Variants in RIC3 observed in about 807,000 individuals in gnomAD.
RIC3 encodes the protein protein RIC-3.
A neutral mutation model predicts 27.3 loss-of-function variants in RIC3; 28 were observed. That is an observed-to-expected ratio of 1.02 (90% confidence interval 0.76 to 1.41). The LOEUF (loss-of-function observed/expected upper bound fraction) is 1.41. Ranked by LOEUF, RIC3 falls within the 40% of genes most tolerant of loss-of-function variation. The pLI is 0.00. For synonymous variants in RIC3, 184 were observed against 160.4 expected (o/e 1.15, Z -1.11); for missense variants, 501 against 444.7 (o/e 1.13, Z -1.14).
At chr11:8,166,042 G>A (rs79444848) in intron 1 of RIC3, among the ~76,000 whole-genome samples, 8 of 152,106 alleles carry the variant, frequency 5.3e-5, no homozygotes, top group South Asian at 2.1e-4. Flanking sequence ...TTCCACCACA[G>A]CCTTTCAAAA....
At position 8,112,171 on chromosome 11, in the gene RIC3, C is replaced by T. The variant is rs147543905; in HGVS notation, c.671-1034G>A. 2.1e-3 allele frequency among the ~76,000 whole-genome samples: 320 copies of T among 152,210 alleles called. 3 individuals are homozygous for T. Among genetic ancestry groups the T allele is most frequent in the East Asian group, 0.016 (82 of 5,190 alleles). ...ATTTGTAGAAAATTTGAAAAAAATA[C>T]AGGCTAGTTTAAAAAAGAAAACACA... On this transcript the variant is annotated intron_variant, in intron 5 of 5. Coordinates refer to ENST00000309737, the MANE Select transcript of RIC3 (RefSeq NM_001206671.4).
At chr11:8,112,925 G>A (rs1036150381) in intron 5 of RIC3, among the ~76,000 whole-genome samples, 2 of 152,166 alleles carry the variant, frequency 1.3e-5, no homozygotes, top group Non-Finnish European at 2.9e-5. Flanking sequence ...AAAGGGAATG[G>A]ACATTATAAA....
intron 1 of RIC3, among the ~76,000 whole-genome samples, chr11:8,160,397 T>A (rs975777688): frequency 6.6e-6 from 1 of 152,190 alleles, no homozygotes; most frequent in African/African-American, 2.4e-5. Flanking sequence ...AAATCAAGAA[T>A]GGCACACAGC....
intron 4 of RIC3, among the ~76,000 whole-genome samples, chr11:8,136,997 C>CA (rs576449157): frequency 3.5e-4 from 53 of 150,404 alleles, no homozygotes; most frequent in Middle Eastern, 6.8e-3. Flanking sequence ...GTCTATTTAT[C>CA]AAAAAAAAAG....
At chr11:8,095,597 G>T in the RIC3 span, 1 of 1,612,876 alleles carries the variant, frequency 6.2e-7, no homozygotes, top group East Asian at 2.2e-5. Flanking sequence ...CAGGACGCAG[G>T]GGAGACGGCA....
At chr11:8,129,512 T>A (rs1012409898) in intron 4 of RIC3, among the ~76,000 whole-genome samples, 1 of 152,108 alleles carries the variant, frequency 6.6e-6, no homozygotes, top group Non-Finnish European at 1.5e-5. Context: ...TGAAACCAGG[T>A]CCCAGTTGGC....
At chr11:8,121,484 G>A (rs891680437) in intron 5 of RIC3, among the ~76,000 whole-genome samples, 4 of 152,052 alleles carry the variant, frequency 2.6e-5, no homozygotes, top group East Asian at 1.9e-4. Context: ...GGGAGGTTGT[G>A]GTGGGCAGAT....
chr11:8,144,137 G>A (rs1949387839), intron 1 of RIC3, among the ~76,000 whole-genome samples: 1 of 152,144 alleles, frequency 6.6e-6, no homozygotes, highest in Admixed American at 6.6e-5. Context: ...TTCATGTCCA[G>A]AACACCAAAA....
the RIC3 span, chr11:8,095,450 C>T: frequency 7.0e-5 from 110 of 1,560,328 alleles, no homozygotes; most frequent in East Asian, 2.1e-3. Context: ...AATCCAGGCC[C>T]TCCTCTCCTC....
At chr11:8,157,296 C>T (rs1352094337) in intron 1 of RIC3, among the ~76,000 whole-genome samples, 3 of 152,170 alleles carry the variant, frequency 2.0e-5, no homozygotes, top group African/African-American at 7.2e-5. Flanking sequence ...CTCTAGTTGG[C>T]CCTCCCTTTA....
At chr11:8,128,794 G>A (rs549804963) in intron 4 of RIC3, among the ~76,000 whole-genome samples, 2 of 125,720 alleles carry the variant, frequency 1.6e-5, no homozygotes, top group South Asian at 2.6e-4. Flanking sequence ...TCTCGCTGTC[G>A]CCCAGGCTGG....
chr11:8,115,314 C>CAA (rs777006536), intron 5 of RIC3, among the ~76,000 whole-genome samples: 7 of 135,888 alleles, frequency 5.2e-5, no homozygotes, highest in East Asian at 4.2e-4. Context: ...AAAACAAAAA[C>CAA]AAAAAAAAAA....
chr11:8,145,377 C>G (rs1949572642), intron 1 of RIC3, among the ~76,000 whole-genome samples: 1 of 152,022 alleles, frequency 6.6e-6, no homozygotes, highest in South Asian at 2.1e-4. Flanking sequence ...TTTATTCTTT[C>G]TCTGCAGACC....
At chr11:8,112,779 T>C (rs1466335081) in intron 5 of RIC3, among the ~76,000 whole-genome samples, 2 of 152,226 alleles carry the variant, frequency 1.3e-5, no homozygotes, top group East Asian at 1.9e-4. Flanking sequence ...TTACTAGTCC[T>C]CTTTTCTAGG....
chr11:8,102,789 T>A (rs1944360930), downstream of RIC3: 1 of 152,074 alleles, frequency 6.6e-6, no homozygotes, highest in African/African-American at 2.4e-5. Context: ...TTTAGGTGAG[T>A]CACACTCAGA....
intron 1 of RIC3, among the ~76,000 whole-genome samples, chr11:8,160,423 AGATACATT>A (rs1408225108): frequency 6.6e-6 from 1 of 152,270 alleles, no homozygotes; most frequent in Admixed American, 6.5e-5. Flanking sequence ...AATGGTAAGC[AGATACATT>A]GAATGAAACA....
At chr11:8,126,186 G>C (rs1295460150) in intron 5 of RIC3, among the ~76,000 whole-genome samples, 3 of 152,124 alleles carry the variant, frequency 2.0e-5, no homozygotes. Context: ...TGCAAAGCTA[G>C]GAATAACCCA....
chr11:8,098,165 G>A, the RIC3 span, among the ~76,000 whole-genome samples: 1 of 152,032 alleles, frequency 6.6e-6, no homozygotes, highest in Non-Finnish European at 1.5e-5. Context: ...ACAGGGCTGA[G>A]AGTGAGCTCT....
At chr11:8,133,441 G>C (rs1197318218) in intron 4 of RIC3, among the ~76,000 whole-genome samples, 2 of 152,168 alleles carry the variant, frequency 1.3e-5, no homozygotes, top group Non-Finnish European at 2.9e-5. Flanking sequence ...AGGAGTGTCA[G>C]AGAGAAAAAT....
Sources: allele counts gnomAD v4.1 joint callset (sites outside exome capture counted in the v4.1 genomes callset), GRCh38; gene constraint gnomAD v4.1.1; transcripts MANE v1.5; gene names NCBI Gene and HGNC (gene_info 2026-07-23, HGNC 2026-07-21).